The following TSHZ2 variants were observed in gnomAD, a reference collection of about 807,000 sequenced individuals.
The protein encoded by TSHZ2 is teashirt zinc finger homeobox 2.
A neutral mutation model predicts 74.4 loss-of-function variants in TSHZ2; 21 were observed. The ratio of observed to expected loss-of-function variants is 0.28; its 90% CI spans 0.20 to 0.41. The LOEUF (loss-of-function observed/expected upper bound fraction) is 0.41. TSHZ2 is among the 10% of genes least tolerant of loss of function. The pLI is 1.00. For missense variants in TSHZ2, 1,244 were observed against 1,293.5 expected, an observed-to-expected ratio of 0.96 and a Z score of 0.59; for synonymous variants, 540 against 515.3, an observed-to-expected ratio of 1.05 and a Z score of -0.65.
chr20:53,053,427 C>T (rs1984540580), intron 1 of TSHZ2, among the ~76,000 whole-genome samples: 1 of 152,102 alleles, frequency 6.6e-6, no homozygotes, highest in Non-Finnish European at 1.5e-5. Flanking sequence ...CAGGGACAAA[C>T]AAGGTCCTCT....
At chr20:53,444,789 C>A (rs1225870551) in intron 2 of TSHZ2, among the ~76,000 whole-genome samples, 1 of 152,154 alleles carries the variant, frequency 6.6e-6, no homozygotes, top group African/African-American at 2.4e-5. Flanking sequence ...GACTTTCCTA[C>A]CAAAGTCTTC....
intron 1 of TSHZ2, among the ~76,000 whole-genome samples, chr20:53,083,377 T>C (rs979282712): frequency 4.6e-5 from 7 of 152,214 alleles, no homozygotes; most frequent in African/African-American, 1.7e-4. Context: ...GTAAATAGCT[T>C]TCCAAATTAA....
At position 53,293,713 on chromosome 20, in the gene TSHZ2, A is replaced by G. The variant is rs545252573; in HGVS notation, c.*8+37142A>G. ...ACAACTGGCTCTCAAAAAAAAAAAA[A>G]AAAAAGAAAAGAAACAGGTCCTGGC... is the stretch of plus-strand genomic sequence containing the variant. On this transcript the variant is annotated intron_variant, in intron 2 of 2. Coordinates refer to ENST00000371497, the MANE Select transcript of TSHZ2 (RefSeq NM_173485.6). Among the ~76,000 whole-genome samples the G allele has an allele frequency of 2.7e-5, 4 of 148,432 alleles. No homozygotes were observed. In the South Asian group the frequency reaches 6.3e-4, roughly 23 times the overall value.
intron 2 of TSHZ2, among the ~76,000 whole-genome samples, chr20:53,417,542 C>T (rs1004863951): frequency 1.3e-5 from 2 of 152,124 alleles, no homozygotes; most frequent in Admixed American, 6.5e-5. Flanking sequence ...GGTAATCTGC[C>T]GGCCTTGGCC....
intron 2 of TSHZ2, among the ~76,000 whole-genome samples, chr20:53,382,733 T>A (rs1057234573): frequency 2.6e-5 from 4 of 152,170 alleles, no homozygotes; most frequent in African/African-American, 9.7e-5. Flanking sequence ...GTTCTGAAGA[T>A]GAATTAATAG....
At chr20:52,991,037 G>A (rs1981965754) in intron 1 of TSHZ2, among the ~76,000 whole-genome samples, 1 of 152,204 alleles carries the variant, frequency 6.6e-6, no homozygotes, top group African/African-American at 2.4e-5. Context: ...TGTGTGTTGT[G>A]ATTGAACATG....
At chr20:53,087,235 T>A (rs1235648660) in intron 1 of TSHZ2, among the ~76,000 whole-genome samples, 5 of 152,218 alleles carry the variant, frequency 3.3e-5, no homozygotes, top group Admixed American at 6.5e-5. Context: ...CTTTTCCAAG[T>A]AAACAAGTAG....
At chr20:52,998,618 A>T (rs1481688449) in intron 1 of TSHZ2, among the ~76,000 whole-genome samples, 1 of 152,076 alleles carries the variant, frequency 6.6e-6, no homozygotes, top group African/African-American at 2.4e-5. Context: ...CATATACCTC[A>T]CTGCCTTGCT....
intron 2 of TSHZ2, among the ~76,000 whole-genome samples, chr20:53,317,930 C>T (rs1356522376): frequency 6.6e-6 from 1 of 152,202 alleles, no homozygotes; most frequent in Non-Finnish European, 1.5e-5. Context: ...TCTATGGCCT[C>T]AACAAGTCTG....
At chr20:53,315,766 TAATA>T (rs1439728599) in intron 2 of TSHZ2, among the ~76,000 whole-genome samples, 1 of 152,188 alleles carries the variant, frequency 6.6e-6, no homozygotes, top group African/African-American at 2.4e-5. Flanking sequence ...GGAAAACAGA[TAATA>T]AATAAATAAC....
At chr20:53,297,525 C>T (rs530325019) in intron 2 of TSHZ2, among the ~76,000 whole-genome samples, 1 of 152,136 alleles carries the variant, frequency 6.6e-6, no homozygotes, top group Non-Finnish European at 1.5e-5. Flanking sequence ...TAAAATGCTG[C>T]GATTATAGGC....
intron 2 of TSHZ2, among the ~76,000 whole-genome samples, chr20:53,390,061 G>A (rs1181905856): frequency 5.3e-5 from 8 of 152,184 alleles, no homozygotes; most frequent in Admixed American, 4.6e-4. Flanking sequence ...GAATAGGGTG[G>A]GGAGGCAGCA....
intron 1 of TSHZ2, among the ~76,000 whole-genome samples, chr20:53,206,824 G>A (rs918452323): frequency 1.1e-4 from 17 of 152,272 alleles, no homozygotes; most frequent in Middle Eastern, 3.4e-3. Flanking sequence ...GGTGGGTAAC[G>A]GTGACTGAGG....
intron 1 of TSHZ2, among the ~76,000 whole-genome samples, chr20:53,013,906 T>C (rs1402287740): frequency 2.0e-5 from 3 of 152,178 alleles, no homozygotes; most frequent in Non-Finnish European, 4.4e-5. Flanking sequence ...TGAATCCACT[T>C]GGGATAAGGG....
At chr20:53,407,311 G>A (rs1270525184) in intron 2 of TSHZ2, among the ~76,000 whole-genome samples, 1 of 152,164 alleles carries the variant, frequency 6.6e-6, no homozygotes, top group Non-Finnish European at 1.5e-5. Flanking sequence ...ATGCTCTTCT[G>A]TGAAAAGGTG....
intron 1 of TSHZ2, among the ~76,000 whole-genome samples, chr20:53,072,496 A>G (rs1985207480): frequency 6.6e-6 from 1 of 152,232 alleles, no homozygotes; most frequent in African/African-American, 2.4e-5. Context: ...TAAGCTTGGA[A>G]AATAAAATTG....
intron 1 of TSHZ2, among the ~76,000 whole-genome samples, chr20:53,037,518 G>A (rs981298033): frequency 6.6e-6 from 1 of 152,152 alleles, no homozygotes; most frequent in Non-Finnish European, 1.5e-5. Flanking sequence ...CATCCCCTAA[G>A]CAAAATATTC....
Position 53,490,930 on chromosome 20 carries a change from G to C in TSHZ2, c.*3795G>C, listed in dbSNP as rs1986430095. On this transcript the variant is annotated 3_prime_UTR_variant, in exon 3 of 3. Transcript: ENST00000371497. ...TGAAACTTTTCACAGTAAATCCAAA[G>C]ATTACAGACCTTACAAGGTGCTTGC... The C allele has an allele frequency of 6.6e-6, 1 of 152,140 alleles. No individual in the cohort carries two copies. Among genetic ancestry groups the C allele is most frequent in the Non-Finnish European group, 1.5e-5 (1 of 68,030 alleles). The allele number at this position is 152,140 out of a possible 1,614,324, so 9.4% of individuals were successfully genotyped here. A position where few individuals can be genotyped will look rare whatever the true frequency, so the allele number is the denominator to read the frequency against.
chr20:53,397,818 C>G (rs1012232888), intron 2 of TSHZ2: 2 of 152,198 alleles, frequency 1.3e-5, no homozygotes, highest in Non-Finnish European at 2.9e-5. Flanking sequence ...GAGTTCATGT[C>G]CTTTGTAGGG....
Sources: gnomAD v4.1 joint callset for allele counts (sites outside exome capture counted in the v4.1 genomes callset) on GRCh38, gnomAD v4.1.1 for gene constraint, MANE v1.5 for transcripts, NCBI Gene and HGNC (gene_info 2026-07-23, HGNC 2026-07-21) for gene names.